The following ABHD2 variants were observed in gnomAD, a reference collection of about 807,000 sequenced individuals.
ABHD2 encodes the protein abhydrolase domain containing 2, acylglycerol lipase.
ABHD2 carries 20 observed loss-of-function variants against 48.1 expected under a neutral mutation model. That is an observed-to-expected ratio of 0.42 (90% confidence interval 0.29 to 0.60). ABHD2 has a LOEUF of 0.60. ABHD2 is among the 20% of genes least tolerant of loss of function. The pLI, the probability that ABHD2 is intolerant of heterozygous loss-of-function variation, is 0.24. For missense variants in ABHD2, 405 were observed against 550.9 expected (o/e 0.74, Z 2.65); for synonymous variants, 209 against 214.2 (o/e 0.98, Z 0.21).
intron 4 of ABHD2, among the ~76,000 whole-genome samples, chr15:89,152,824 T>C (rs2050614957): frequency 6.6e-6 from 1 of 152,214 alleles, no homozygotes; most frequent in Admixed American, 6.5e-5. Context: ...CATTCTAAAA[T>C]GCTTCATAAT....
At position 89,100,460 on chromosome 15, in the gene ABHD2, G is replaced by A. The variant is rs145708653; in HGVS notation, c.-107+11897G>A. Among the ~76,000 whole-genome samples the A allele has an allele frequency of 2.0e-5, 3 of 152,178 alleles. No homozygotes were observed. In the East Asian group the frequency reaches 5.8e-4, roughly 29 times the overall value. On this transcript the variant is annotated intron_variant, in intron 1 of 10. Transcript: ENST00000352732. This position sits in a 1 kb window ranked among gnomAD's most constrained non-coding sequence, Gnocchi z 4.4. ...TGCAGTTCAGGTCAAATCTGTCTGT[G>A]TCCAGATCCTGCAAGTAGCCTCTCT...
intron 5 of ABHD2, among the ~76,000 whole-genome samples, chr15:89,169,750 A>G (rs1462969310): frequency 6.6e-6 from 1 of 152,212 alleles, no homozygotes; most frequent in Non-Finnish European, 1.5e-5. Context: ...AAATGTAAAC[A>G]TCTTTTTTTC....
At chr15:89,089,890 G>A (rs371997240) in intron 1 of ABHD2, among the ~76,000 whole-genome samples, 5 of 152,188 alleles carry the variant, frequency 3.3e-5, no homozygotes, top group East Asian at 3.9e-4. Flanking sequence ...TAGTCAGCAC[G>A]GACTGTGACA....
intron 5 of ABHD2, among the ~76,000 whole-genome samples, chr15:89,161,130 G>T (rs1008016776): frequency 5.3e-5 from 8 of 152,144 alleles, no homozygotes; most frequent in African/African-American, 1.9e-4. Flanking sequence ...TGTGCCAGTG[G>T]CTTAGCTCTC....
chr15:89,078,755 A>C, the ABHD2 span, among the ~76,000 whole-genome samples: 5 of 141,644 alleles, frequency 3.5e-5, no homozygotes, highest in Non-Finnish European at 7.6e-5. Context: ...TTTTCTTGTG[A>C]GACAGAGTCT....
the ABHD2 span, among the ~76,000 whole-genome samples, chr15:89,073,951 C>G: frequency 6.6e-6 from 1 of 152,128 alleles, no homozygotes; most frequent in Non-Finnish European, 1.5e-5. Flanking sequence ...GCTGTGGGAC[C>G]CACACTCAGA....
chr15:89,121,604 T>C (rs1567076898), intron 3 of ABHD2, among the ~76,000 whole-genome samples: 1 of 152,084 alleles, frequency 6.6e-6, no homozygotes, highest in Non-Finnish European at 1.5e-5. Flanking sequence ...TACTATGACC[T>C]CCCTGCCTCT....
chr15:89,049,305 G>A, the ABHD2 span, among the ~76,000 whole-genome samples: 1 of 152,216 alleles, frequency 6.6e-6, no homozygotes, highest in Non-Finnish European at 1.5e-5. Flanking sequence ...TGTCAGACAG[G>A]GACATTTAAG....
At position 89,166,108 on chromosome 15, in the gene ABHD2, T is replaced by G. The variant is rs2050834586; in HGVS notation, c.539-9704T>G. Among the ~76,000 whole-genome samples, 1 of 152,168 alleles carries G rather than the reference T, an allele frequency of 6.6e-6. No homozygotes were observed. The highest frequency in any genetic ancestry group is 1.5e-5 in the Non-Finnish European group (1 of 68,038). ...AACAAAGGATCTTATTAGTTTGATC[T>G]TGATTTAAAGAGAGAAAAAAATAGG... On this transcript the variant is annotated intron_variant, in intron 5 of 10. Coordinates refer to ENST00000352732, the MANE Select transcript of ABHD2 (RefSeq NM_152924.5). This position sits in a 1 kb window ranked among gnomAD's most constrained non-coding sequence, Gnocchi z 4.6.
At position 89,167,366 on chromosome 15, in the gene ABHD2, AGG is replaced by A. The variant is rs559523078; in HGVS notation, c.539-8444_539-8443del. On this transcript the variant is annotated intron_variant, in intron 5 of 10. Transcript: ENST00000352732. The surrounding 1 kb of genome is among the most constrained non-coding windows in gnomAD (Gnocchi z 5.5). ...GAAGGGAGGAGGAAGAGATGGGTGAAGGGAGAGAGAGAATGTGAAAGTGAAGG... is the reference window on the plus strand; with the variant it reads ...GAAGGGAGGAGGAAGAGATGGGTGAAGAGAGAGAGAATGTGAAAGTGAAGG... Among the ~76,000 whole-genome samples the A allele has an allele frequency of 1.8e-4, 27 of 152,288 alleles. No homozygotes were observed. The highest frequency in any genetic ancestry group is 6.3e-4 in the African/African-American group (26 of 41,576).
At chr15:89,081,481 C>G in the ABHD2 span, among the ~76,000 whole-genome samples, 1 of 152,078 alleles carries the variant, frequency 6.6e-6, no homozygotes, top group Non-Finnish European at 1.5e-5. Flanking sequence ...AACTTAAATG[C>G]CACGTCTGCA....
chr15:89,155,952 C>G lies in ABHD2; in HGVS notation c.538+418C>G, dbSNP rs1203729071. Among the ~76,000 whole-genome samples, 1 of 152,104 alleles carries G rather than the reference C, an allele frequency of 6.6e-6. No individual in the cohort carries two copies. The highest frequency in any genetic ancestry group is 2.4e-5 in the African/African-American group (1 of 41,412). On this transcript the variant is annotated intron_variant, in intron 5 of 10. Coordinates refer to ENST00000352732, the MANE Select transcript of ABHD2 (RefSeq NM_152924.5). The surrounding 1 kb of genome is among the most constrained non-coding windows in gnomAD (Gnocchi z 4.9). ...ATGTGAATGTCAGTGGGAAGGGAGC[C>G]TGGCACAGTAGCAACTCACTGGATT...
At chr15:89,062,830 C>A in the ABHD2 span, among the ~76,000 whole-genome samples, 1 of 152,130 alleles carries the variant, frequency 6.6e-6, no homozygotes, top group African/African-American at 2.4e-5. Flanking sequence ...GACGCTAAAG[C>A]CGGCCTGTCT....
At chr15:89,086,825 C>CA (rs1361781120), upstream of ABHD2, among the ~76,000 whole-genome samples, 1 of 152,218 alleles carries the variant, frequency 6.6e-6, no homozygotes, top group African/African-American at 2.4e-5. Flanking sequence ...TGTTTTAACT[C>CA]AGAGTCAGGA....
intron 3 of ABHD2, among the ~76,000 whole-genome samples, chr15:89,149,604 C>T (rs1441207907): frequency 1.3e-5 from 2 of 152,180 alleles, no homozygotes; most frequent in African/African-American, 4.8e-5. Context: ...GCAACCCCCC[C>T]AGCAACCTGA....
At chr15:89,191,613 A>G (rs1273325253) in intron 9 of ABHD2, among the ~76,000 whole-genome samples, 4 of 149,122 alleles carry the variant, frequency 2.7e-5, no homozygotes, top group African/African-American at 7.4e-5. Flanking sequence ...AATGATGAGC[A>G]TGTCTATTTT....
intron 3 of ABHD2, among the ~76,000 whole-genome samples, chr15:89,122,080 T>C (rs984028993): frequency 6.6e-6 from 1 of 152,208 alleles, no homozygotes; most frequent in Non-Finnish European, 1.5e-5. Context: ...TCCTTCCACC[T>C]TGGCCTCCCA....
chr15:89,155,710 A>G lies in ABHD2; in HGVS notation c.538+176A>G, dbSNP rs2050662232. Among the ~76,000 whole-genome samples, 1 of 152,204 alleles carries G rather than the reference A, an allele frequency of 6.6e-6. No individual in the cohort carries two copies. The highest frequency in any genetic ancestry group is 2.4e-5 in the African/African-American group (1 of 41,452). On this transcript the variant is annotated intron_variant, in intron 5 of 10. Transcript: ENST00000352732. This position sits in a 1 kb window ranked among gnomAD's most constrained non-coding sequence, Gnocchi z 4.9. ...GGGCATTGATGATGCCATGCCTCAC[A>G]CCAGCCTTTGAGATGGGCACTATAA...
chr15:89,055,782 T>A, the ABHD2 span, among the ~76,000 whole-genome samples: 6 of 152,330 alleles, frequency 3.9e-5, no homozygotes, highest in East Asian at 1.2e-3. Flanking sequence ...TGAAGTGAGA[T>A]GAATCAATAT....
Sources: gnomAD v4.1 joint callset for allele counts (sites outside exome capture counted in the v4.1 genomes callset) on GRCh38, gnomAD v4.1.1 for gene constraint, Gnocchi (gnomAD v3.1) non-coding constraint, MANE v1.5 for transcripts, NCBI Gene and HGNC (gene_info 2026-07-23, HGNC 2026-07-21) for gene names.